The following ASTN2 variants were observed in gnomAD, a reference collection of about 807,000 sequenced individuals.
ASTN2 encodes astrotactin-2.
A neutral mutation model predicts 139.8 loss-of-function variants in ASTN2; 54 were observed. The observed-to-expected ratio is 0.39, with a 90% confidence interval of 0.31 to 0.48. ASTN2 has a LOEUF of 0.48. ASTN2 is among the 20% of genes least tolerant of loss of function. The pLI is 0.95. For synonymous variants in ASTN2, 756 were observed against 719.5 expected (o/e 1.05, Z -0.81); for missense variants, 1,565 against 1,725.1 (o/e 0.91, Z 1.64).
At chr9:116,623,561 T>C (rs1172268869) in intron 17 of ASTN2, among the ~76,000 whole-genome samples, 2 of 152,130 alleles carry the variant, frequency 1.3e-5, no homozygotes, top group African/African-American at 4.8e-5. Context: ...AGGAAAATCA[T>C]AGAATGTTCC....
At chr9:116,767,921 C>T (rs1829851987) in intron 13 of ASTN2, among the ~76,000 whole-genome samples, 1 of 152,190 alleles carries the variant, frequency 6.6e-6, no homozygotes, top group African/African-American at 2.4e-5. Flanking sequence ...CTTCCATAAG[C>T]AACCCATGCA....
intron 5 of ASTN2, among the ~76,000 whole-genome samples, chr9:117,071,269 CG>C (rs1310798108): frequency 0.018 from 2,752 of 151,066 alleles, 48 homozygotes; most frequent in Non-Finnish European, 0.027. Flanking sequence ...AATACCCTGC[CG>C]TGTGAGGTGT....
chr9:117,192,856 G>A (rs1268190027), intron 3 of ASTN2, among the ~76,000 whole-genome samples: 1 of 152,186 alleles, frequency 6.6e-6, no homozygotes, highest in South Asian at 2.1e-4. Flanking sequence ...GCTGGAACAA[G>A]GTTCTGTGTC....
At chr9:117,271,279 C>T (rs1004924663) in intron 2 of ASTN2, among the ~76,000 whole-genome samples, 22 of 152,164 alleles carry the variant, frequency 1.4e-4, no homozygotes, top group African/African-American at 5.3e-4. Flanking sequence ...AATAAACCCA[C>T]CAGATCTCAT....
intron 4 of ASTN2, among the ~76,000 whole-genome samples, chr9:117,128,791 G>T (rs1564440496): frequency 6.6e-6 from 1 of 152,214 alleles, no homozygotes. Flanking sequence ...GTTCCAGTTG[G>T]TGTAGAAGCC....
chr9:116,815,825 A>AAAAAAAAAAAC, intron 12 of ASTN2, among the ~76,000 whole-genome samples: 1 of 147,590 alleles, frequency 6.8e-6, no homozygotes, highest in Non-Finnish European at 1.5e-5. Context: ...AAAAAAAAAA[A>AAAAAAAAAAAC]AAAGTTGATG....
chr9:116,689,890 A>C (rs897042747), intron 16 of ASTN2, among the ~76,000 whole-genome samples: 2 of 152,144 alleles, frequency 1.3e-5, no homozygotes, highest in African/African-American at 4.8e-5. Context: ...AAAACACCTC[A>C]TAGCAGGGAC....
At chr9:116,956,511 G>A (rs1835712684) in intron 10 of ASTN2, among the ~76,000 whole-genome samples, 1 of 149,010 alleles carries the variant, frequency 6.7e-6, no homozygotes, top group African/African-American at 2.4e-5. Context: ...CAGAACAGTT[G>A]TAAAATTAAA....
chr9:117,207,968 C>T (rs1831992620), intron 3 of ASTN2, among the ~76,000 whole-genome samples: 1 of 152,198 alleles, frequency 6.6e-6, no homozygotes, highest in South Asian at 2.1e-4. Context: ...GACAGCACAA[C>T]ACACCAAACT....
At chr9:117,188,166 T>G (rs1390550834) in intron 3 of ASTN2, among the ~76,000 whole-genome samples, 95 of 125,646 alleles carry the variant, frequency 7.6e-4, no homozygotes, top group Non-Finnish European at 1.0e-3. Flanking sequence ...GTCTGTGTGA[T>G]AGAGAGAGAG....
chr9:116,534,587 C>A (rs1162293346), intron 19 of ASTN2, among the ~76,000 whole-genome samples: 1 of 152,176 alleles, frequency 6.6e-6, no homozygotes, highest in African/African-American at 2.4e-5. Context: ...TTTCAAAGAA[C>A]ATCTTTATTT....
At chr9:116,571,375 T>C (rs1189822908) in intron 19 of ASTN2, among the ~76,000 whole-genome samples, 2 of 152,214 alleles carry the variant, frequency 1.3e-5, no homozygotes, top group Non-Finnish European at 2.9e-5. Context: ...TTTTCTTCTA[T>C]TCTGTCTCTT....
At chr9:116,720,831 G>A (rs937450299) in intron 16 of ASTN2, among the ~76,000 whole-genome samples, 3 of 152,012 alleles carry the variant, frequency 2.0e-5, no homozygotes, top group African/African-American at 7.2e-5. Flanking sequence ...TATCTCCCCA[G>A]TCCAGTTCCA....
chr9:116,677,573 G>T (rs1837839), intron 16 of ASTN2, among the ~76,000 whole-genome samples: 9,018 of 152,100 alleles, frequency 0.059, 873 homozygotes, highest in African/African-American at 0.21. Context: ...CATGCTATTG[G>T]CCACCTGGAA....
chr9:116,840,071 G>A (rs923838778), intron 11 of ASTN2, among the ~76,000 whole-genome samples: 4 of 147,780 alleles, frequency 2.7e-5, no homozygotes, highest in Admixed American at 6.8e-5. Context: ...AGGGAGTGGT[G>A]ATGACTCTTA....
intron 10 of ASTN2, among the ~76,000 whole-genome samples, chr9:116,939,682 C>T (rs1008613457): frequency 1.3e-5 from 2 of 152,086 alleles, no homozygotes; most frequent in African/African-American, 4.8e-5. Flanking sequence ...CTACTATGTA[C>T]AGGCCTGTTC....
chr9:117,303,422 T>C (rs1587929149), intron 1 of ASTN2, among the ~76,000 whole-genome samples: 1 of 152,068 alleles, frequency 6.6e-6, no homozygotes, highest in East Asian at 1.9e-4. Flanking sequence ...AAGTAAGAGC[T>C]CCTCAGACTA....
chr9:116,794,689 G>A (rs1048722784), intron 13 of ASTN2, among the ~76,000 whole-genome samples: 3 of 152,170 alleles, frequency 2.0e-5, no homozygotes, highest in Non-Finnish European at 2.9e-5. Context: ...TTGTCAACAT[G>A]TGTCATGGGA....
chr9:117,253,728 A>T (rs1234426601), intron 2 of ASTN2, among the ~76,000 whole-genome samples: 1 of 152,176 alleles, frequency 6.6e-6, no homozygotes, highest in Non-Finnish European at 1.5e-5. Flanking sequence ...GCAATATCTG[A>T]TGGTGTCAAA....
Sources: gnomAD v4.1 joint callset for allele counts (sites outside exome capture counted in the v4.1 genomes callset) on GRCh38, gnomAD v4.1.1 for gene constraint, MANE v1.5 for transcripts, NCBI Gene and HGNC (gene_info 2026-07-23, HGNC 2026-07-21) for gene names.